Variants in RSPRY1 observed in about 807,000 individuals in gnomAD.
RSPRY1 encodes ring finger and SPRY domain containing 1.
In RSPRY1, 23 loss-of-function variants were observed where a neutral mutation model predicts 73.1. That is an observed-to-expected ratio of 0.31 (90% confidence interval 0.23 to 0.45). The LOEUF is 0.45. Among genes scored for constraint, RSPRY1 ranks in the 20% least tolerant of loss-of-function variants. The pLI is 1.00. For synonymous variants in RSPRY1, 226 were observed against 251.4 expected, an observed-to-expected ratio of 0.90 and a Z score of 0.95; for missense variants, 448 against 698.7, an observed-to-expected ratio of 0.64 and a Z score of 4.05.
chr16:57,209,614 T>C (rs1258863768), intron 4 of RSPRY1, among the ~76,000 whole-genome samples: 3 of 152,066 alleles, frequency 2.0e-5, no homozygotes, highest in Non-Finnish European at 2.9e-5. Flanking sequence ...TCCACCTGCC[T>C]CGGCCTCCTC....
At chr16:57,207,614 T>C in intron 2 of RSPRY1, 1 of 456,456 alleles carries the variant, frequency 2.2e-6, no homozygotes, top group South Asian at 1.5e-5. Flanking sequence ...AAAATGAAGA[T>C]GCGTATATAG....
chr16:57,199,216 T>C (rs1450560104), intron 1 of RSPRY1, among the ~76,000 whole-genome samples: 2 of 152,300 alleles, frequency 1.3e-5, no homozygotes, highest in Non-Finnish European at 1.5e-5. Flanking sequence ...AAAAAGCGGC[T>C]GGGCGCGGCG....
chr16:57,212,916 G>T, intron 4 of RSPRY1, 56 bp from the exon 5 acceptor site: 1 of 1,546,862 alleles, frequency 6.5e-7, no homozygotes, highest in South Asian at 1.2e-5. Context: ...AAATGAGCCT[G>T]GGAAAACAAC....
chr16:57,214,885 T>A (rs1170156856), intron 6 of RSPRY1, among the ~76,000 whole-genome samples: 1 of 152,144 alleles, frequency 6.6e-6, no homozygotes, highest in Non-Finnish European at 1.5e-5. Flanking sequence ...AAAAATTAGC[T>A]GGGCATGGTG....
At chr16:57,201,842 G>A (rs901056748) in intron 1 of RSPRY1, among the ~76,000 whole-genome samples, 11 of 152,182 alleles carry the variant, frequency 7.2e-5, no homozygotes, top group Non-Finnish European at 1.3e-4. Context: ...GCCTGCAATC[G>A]CAGGCACTCG....
intron 2 of RSPRY1, among the ~76,000 whole-genome samples, chr16:57,205,843 G>T (rs1448206023): frequency 2.0e-5 from 3 of 152,164 alleles, no homozygotes; most frequent in Non-Finnish European, 4.4e-5. Flanking sequence ...TGTACATAAG[G>T]CATTCAGTGT....
At chr16:57,217,140 A>G in intron 8 of RSPRY1, 105 bp downstream of exon 8, 1 of 1,263,810 alleles carries the variant, frequency 7.9e-7, no homozygotes, top group Non-Finnish European at 1.1e-6. Context: ...ATGAGTCCTC[A>G]TAAGGACCTC....
At chr16:57,192,708 C>CT (rs373914013) in intron 1 of RSPRY1, among the ~76,000 whole-genome samples, 3,449 of 123,568 alleles carry the variant, frequency 0.028, 79 homozygotes, top group African/African-American at 0.053. Flanking sequence ...TCCAGAGACT[C>CT]TTTTTTTTTT....
chr16:57,224,206 T>G (rs1268964276), intron 10 of RSPRY1, among the ~76,000 whole-genome samples: 1 of 152,258 alleles, frequency 6.6e-6, no homozygotes, highest in East Asian at 1.9e-4. Flanking sequence ...CCACCATTGC[T>G]GCTGGAAATC....
intron 10 of RSPRY1, among the ~76,000 whole-genome samples, chr16:57,226,230 A>T (rs781766249): frequency 6.6e-6 from 1 of 152,220 alleles, no homozygotes; most frequent in African/African-American, 2.4e-5. Flanking sequence ...AGTCTGCTAC[A>T]TGCAAGAAAG....
Position 57,198,324 on chromosome 16 carries a change from C to T in RSPRY1, c.-155-6180C>T, listed in dbSNP as rs573078639. 1.6e-4 allele frequency among the ~76,000 whole-genome samples: 25 copies of T among 151,626 alleles called. 1 individual carries two copies. The South Asian group carries it at 4.8e-3, about 29-fold the overall frequency. ...GCATGAACCTGGGAGGCGGAGCTTGCAGTGAGCTGAGATCACGCCACTGCA... is the reference window on the plus strand; with the variant it reads ...GCATGAACCTGGGAGGCGGAGCTTGTAGTGAGCTGAGATCACGCCACTGCA... On this transcript the variant is annotated intron_variant, in intron 1 of 14. Transcript: ENST00000394420.
chr16:57,189,120 A>G (rs749897516), intron 1 of RSPRY1, among the ~76,000 whole-genome samples: 2 of 151,622 alleles, frequency 1.3e-5, no homozygotes, highest in South Asian at 2.1e-4. Context: ...CAGCCTCCCA[A>G]GTAACTGGGA....
chr16:57,214,340 T>C (rs2074899972), intron 6 of RSPRY1, among the ~76,000 whole-genome samples: 1 of 152,210 alleles, frequency 6.6e-6, no homozygotes, highest in Non-Finnish European at 1.5e-5. Context: ...TACTCCTCCC[T>C]GCCCTCCCCC....
At chr16:57,233,789 T>G (rs2075262289) in intron 13 of RSPRY1, among the ~76,000 whole-genome samples, 1 of 152,190 alleles carries the variant, frequency 6.6e-6, no homozygotes. Flanking sequence ...CAGTAGGCTG[T>G]GCCTTCAGAA....
Position 57,217,016 on chromosome 16 carries a change from G to T in RSPRY1, c.882G>T (p.Gln294His), listed in dbSNP as rs1288911562. 1.2e-6 allele frequency: 2 copies of T among 1,614,186 alleles called. No individual in the cohort carries two copies. The highest frequency in any genetic ancestry group is 1.7e-6 in the Non-Finnish European group (2 of 1,180,028). The change falls in exon 8 of 15, where the codon CAG becomes CAT. Residue 294 changes from glutamine (Q) to histidine (H), a missense_variant. Transcript: ENST00000394420. ...YLKRQVGFCA[Q>H]WSLDNLFLKE... ...AACGTCAAGTTGGTTTCTGTGCCCAGTGGAGCTTAGACAATCTCTGTAAGT... is the reference window on the plus strand; with the variant it reads ...AACGTCAAGTTGGTTTCTGTGCCCATTGGAGCTTAGACAATCTCTGTAAGT...
rs1368619853 is a variant in RSPRY1 at position 57,204,539 on chromosome 16, A to G, written c.-120A>G. ...GGATGTCCAGAATCCCCTGTAGTTG[A>G]TAATGTTGGGAATAAGCTCTGCAAC... On this transcript the variant is annotated 5_prime_UTR_variant, in exon 2 of 15. It removes the in-frame stop codon of an upstream open reading frame in the 5' UTR. Coordinates refer to ENST00000394420, the MANE Select transcript of RSPRY1 (RefSeq NM_133368.3). 6.0e-6 allele frequency: 5 copies of G among 830,460 alleles called. No homozygotes were observed. Among genetic ancestry groups the G allele is most frequent in the Middle Eastern group, 3.3e-4 (1 of 3,068 alleles). The allele number at this position is 830,460 out of a possible 1,614,324, so 51.4% of individuals were successfully genotyped here. A position where few individuals can be genotyped will look rare whatever the true frequency, so the allele number is the denominator to read the frequency against.
intron 11 of RSPRY1, 57 bp from the exon 12 acceptor site, chr16:57,230,654 C>T (rs2075201300): frequency 1.0e-6 from 1 of 962,546 alleles, no homozygotes; most frequent in Non-Finnish European, 1.7e-6. Context: ...AGATGCTTAG[C>T]AAAGAATCCT....
intron 13 of RSPRY1, among the ~76,000 whole-genome samples, chr16:57,233,523 A>G (rs1263545274): frequency 1.3e-5 from 2 of 151,964 alleles, no homozygotes; most frequent in Admixed American, 6.5e-5. Context: ...AGGCATGCCA[A>G]CACACCCAGC....
chr16:57,234,251 C>T (rs567999696), intron 13 of RSPRY1, among the ~76,000 whole-genome samples: 4 of 152,322 alleles, frequency 2.6e-5, no homozygotes, highest in Non-Finnish European at 2.9e-5. Flanking sequence ...ACAAAACTTA[C>T]TTCCTCACTC....
Sources: allele counts gnomAD v4.1 joint callset (sites outside exome capture counted in the v4.1 genomes callset), GRCh38; gene constraint gnomAD v4.1.1; transcripts MANE v1.5; gene names NCBI Gene and HGNC (gene_info 2026-07-23, HGNC 2026-07-21).